The following PGGT1B variants were observed in gnomAD, a reference collection of about 807,000 sequenced individuals.
PGGT1B encodes the protein protein geranylgeranyltransferase type I subunit beta.
PGGT1B carries 30 observed loss-of-function variants against 46.1 expected under a neutral mutation model. The observed-to-expected ratio is 0.65, with a 90% CI of 0.49 to 0.88. The LOEUF (loss-of-function observed/expected upper bound fraction) is 0.88, where lower values mean the gene tolerates loss of function less well. PGGT1B is among the 40% of genes least tolerant of loss of function. The pLI is 0.00. For synonymous variants in PGGT1B, 170 were observed against 160.0 expected (o/e 1.06, Z -0.47); for missense variants, 376 against 455.9 (o/e 0.82, Z 1.60).
chr5:115,260,028 T>C (rs377008642), intron 1 of PGGT1B, among the ~76,000 whole-genome samples: 144 of 152,286 alleles, frequency 9.5e-4, no homozygotes, highest in Middle Eastern at 6.8e-3. Flanking sequence ...AACCTGGTAA[T>C]TGATAAAGCT....
intron 1 of PGGT1B, among the ~76,000 whole-genome samples, chr5:115,261,254 C>T (rs1248964285): frequency 6.6e-6 from 1 of 152,206 alleles, no homozygotes; most frequent in African/African-American, 2.4e-5. Context: ...ATAGGCTCTG[C>T]TAATCGATCA....
chr5:115,214,705 C>T (rs1756356937), intron 8 of PGGT1B, among the ~76,000 whole-genome samples: 1 of 152,112 alleles, frequency 6.6e-6, no homozygotes, highest in Admixed American at 6.6e-5. Context: ...CCGGAAAAAG[C>T]CTCAAGAACT....
At chr5:115,248,509 C>T (rs1747950489) in intron 2 of PGGT1B, among the ~76,000 whole-genome samples, 1 of 152,114 alleles carries the variant, frequency 6.6e-6, no homozygotes, top group African/African-American at 2.4e-5. Flanking sequence ...CCAACCTGAC[C>T]CATTGTGTTT....
chr5:115,252,863 C>G (rs1748163006), intron 2 of PGGT1B: 1 of 312,134 alleles, frequency 3.2e-6, no homozygotes, highest in Non-Finnish European at 5.8e-6. Context: ...AAATAATCAA[C>G]AAGTAGTCAT....
chr5:115,241,492 A>C (rs773924395), intron 3 of PGGT1B, 47 bp downstream of exon 3: 1 of 1,168,836 alleles, frequency 8.6e-7, no homozygotes, highest in East Asian at 2.6e-5. Context: ...TTTTATTAAA[A>C]TATCCCTACA....
At chr5:115,257,107 T>C (rs1748351816) in intron 1 of PGGT1B, among the ~76,000 whole-genome samples, 1 of 152,064 alleles carries the variant, frequency 6.6e-6, no homozygotes, top group Non-Finnish European at 1.5e-5. Flanking sequence ...CAACCCCCAA[T>C]CAAGTTGCTT....
intron 7 of PGGT1B, among the ~76,000 whole-genome samples, chr5:115,219,742 A>C (rs939454446): frequency 1.3e-5 from 2 of 151,888 alleles, no homozygotes; most frequent in Non-Finnish European, 2.9e-5. Flanking sequence ...ACAACTTTAT[A>C]ACAAAAGAAA....
In PGGT1B at chr5:115,230,062, C is replaced by T. The variant is rs1023791526; in HGVS notation, c.658+914G>A. Among the ~76,000 whole-genome samples the T allele has an allele frequency of 1.4e-4, 22 of 152,018 alleles. 1 individual carries two copies. The highest frequency in any genetic ancestry group is 1.1e-3 in the Admixed American group (17 of 15,246). ...TATTTGTTAGAAATATCTTTTTATA[C>T]AGGTTTATGATTTACAAACCACTTT... On this transcript the variant is annotated intron_variant, in intron 6 of 8. Coordinates refer to ENST00000419445, the MANE Select transcript of PGGT1B (RefSeq NM_005023.4).
intron 1 of PGGT1B, among the ~76,000 whole-genome samples, chr5:115,259,414 G>C (rs1316854990): frequency 6.6e-6 from 1 of 152,168 alleles, no homozygotes; most frequent in African/African-American, 2.4e-5. Context: ...AGGGGGCCGG[G>C]CACGGTGGCT....
chr5:115,258,279 C>A (rs527264531), intron 1 of PGGT1B, among the ~76,000 whole-genome samples: 1 of 152,322 alleles, frequency 6.6e-6, no homozygotes, highest in South Asian at 2.1e-4. Flanking sequence ...AGTTCCAATT[C>A]AAGAATCCTG....
intron 7 of PGGT1B, among the ~76,000 whole-genome samples, chr5:115,220,873 A>C (rs1756568504): frequency 6.6e-6 from 1 of 152,014 alleles, no homozygotes; most frequent in African/African-American, 2.4e-5. Context: ...CTTTAAAATA[A>C]TTCAGTGAAT....
At chr5:115,230,248 T>G (rs934064886) in intron 6 of PGGT1B, among the ~76,000 whole-genome samples, 2 of 152,040 alleles carry the variant, frequency 1.3e-5, no homozygotes, top group Non-Finnish European at 2.9e-5. Context: ...TTCTGCTACA[T>G]TATGCTAGCA....
chr5:115,215,449 C>A (rs975176970), intron 8 of PGGT1B, among the ~76,000 whole-genome samples: 19 of 152,124 alleles, frequency 1.2e-4, no homozygotes, highest in Non-Finnish European at 2.2e-4. Context: ...CAGGCACCCA[C>A]CACCACGCCT....
At chr5:115,247,322 G>A (rs1747893810) in intron 2 of PGGT1B, among the ~76,000 whole-genome samples, 1 of 152,046 alleles carries the variant, frequency 6.6e-6, no homozygotes, top group East Asian at 1.9e-4. Context: ...ATATAAAATT[G>A]CATTCAAAAT....
chr5:115,255,326 A>G (rs1748266204), intron 1 of PGGT1B, among the ~76,000 whole-genome samples: 1 of 152,160 alleles, frequency 6.6e-6, no homozygotes, highest in African/African-American at 2.4e-5. Flanking sequence ...ACCTCTACAT[A>G]ATAGCAACAA....
chr5:115,212,901 A>G (rs147609060), intron 8 of PGGT1B, among the ~76,000 whole-genome samples: 1 of 152,298 alleles, frequency 6.6e-6, no homozygotes, highest in East Asian at 1.9e-4. Flanking sequence ...AAGACTTCTC[A>G]CTTTGGGGAG....
At chr5:115,243,597 A>G (rs1157447497) in intron 2 of PGGT1B, among the ~76,000 whole-genome samples, 1 of 152,242 alleles carries the variant, frequency 6.6e-6, no homozygotes, top group Admixed American at 6.5e-5. Flanking sequence ...GCCATAACAT[A>G]TTACCACAAA....
In PGGT1B at chr5:115,221,925, T is replaced by C; in HGVS notation, c.742A>G (p.Ile248Val). ...TGCCTCATTATACACCACCTCTTTA[T>C]CCTGTTCAATTCTTTTTCTGAAAAA... ...EVFSEKELNR[I>V]KRWCIMRQQN... The change falls in exon 7 of 9, where the codon ATA becomes GTA. Residue 248 changes from isoleucine (I) to valine (V), a missense_variant. This residue lies in a region of PGGT1B where 222 missense variants were observed against 313.6 expected (regional missense o/e 0.71). Transcript: ENST00000419445. The C allele has an allele frequency of 6.2e-7, 1 of 1,608,452 alleles. No homozygotes were observed. The highest frequency in any genetic ancestry group is 8.5e-7 in the Non-Finnish European group (1 of 1,176,760).
chr5:115,256,093 T>A (rs1748299142), intron 1 of PGGT1B, among the ~76,000 whole-genome samples: 1 of 152,214 alleles, frequency 6.6e-6, no homozygotes, highest in African/African-American at 2.4e-5. Flanking sequence ...AGAAGCACTG[T>A]TTGAGAACAG....
Sources: gnomAD v4.1 joint callset for allele counts (sites outside exome capture counted in the v4.1 genomes callset) on GRCh38, gnomAD v4.1.1 for gene constraint, gnomAD v4.1.1 regional missense constraint, MANE v1.5 for transcripts, NCBI Gene and HGNC (gene_info 2026-07-23, HGNC 2026-07-21) for gene names.